Variants in PDE7A observed in about 807,000 individuals in gnomAD.
The protein encoded by PDE7A is phosphodiesterase 7A.
PDE7A carries 39 observed loss-of-function variants against 64.3 expected under a neutral mutation model. The observed-to-expected ratio is 0.61, with a 90% CI of 0.47 to 0.79. The LOEUF is 0.79. Among genes scored for constraint, PDE7A ranks in the 30% least tolerant of loss-of-function variants. The pLI is 0.00. For synonymous variants in PDE7A, 203 were observed against 206.8 expected, an observed-to-expected ratio of 0.98 and a Z score of 0.16; for missense variants, 470 against 582.8, an observed-to-expected ratio of 0.81 and a Z score of 1.99.
chr8:65,783,486 T>C (rs1809471750), intron 1 of PDE7A, among the ~76,000 whole-genome samples: 2 of 152,350 alleles, frequency 1.3e-5, no homozygotes, highest in South Asian at 4.1e-4. Context: ...CCTGGATCAC[T>C]GCTTCACTGT....
chr8:65,825,841 A>T (rs965381942), intron 1 of PDE7A, among the ~76,000 whole-genome samples: 1 of 152,216 alleles, frequency 6.6e-6, no homozygotes, highest in African/African-American at 2.4e-5. Context: ...CCACATATTC[A>T]ATGGCGGTGA....
At chr8:65,759,569 C>CT (rs1808397414) in intron 3 of PDE7A, among the ~76,000 whole-genome samples, 1 of 152,224 alleles carries the variant, frequency 6.6e-6, no homozygotes, top group Non-Finnish European at 1.5e-5. Flanking sequence ...CTTGGTGACT[C>CT]TAAGTGTCCA....
intron 3 of PDE7A, among the ~76,000 whole-genome samples, chr8:65,748,368 T>G (rs571583171): frequency 3.9e-5 from 6 of 152,328 alleles, no homozygotes; most frequent in African/African-American, 1.4e-4. Flanking sequence ...TTCTAAAGGA[T>G]AGGGATAAAA....
chr8:65,806,365 G>A (rs1052022758), intron 1 of PDE7A, among the ~76,000 whole-genome samples: 4 of 152,162 alleles, frequency 2.6e-5, no homozygotes, highest in African/African-American at 7.2e-5. Context: ...TGAGGGAGGA[G>A]GGAGTGGGGA....
At chr8:65,751,745 G>C (rs572859483) in intron 3 of PDE7A, among the ~76,000 whole-genome samples, 1 of 152,302 alleles carries the variant, frequency 6.6e-6, no homozygotes, top group African/African-American at 2.4e-5. Context: ...GCCTGCCGCG[G>C]CCTCCCAAAA....
At chr8:65,804,532 T>A (rs962441804) in intron 1 of PDE7A, among the ~76,000 whole-genome samples, 9 of 145,296 alleles carry the variant, frequency 6.2e-5, no homozygotes, top group African/African-American at 2.5e-4. Context: ...GAAAGTTTCA[T>A]TTTGTTGCTT....
At chr8:65,743,359 G>A (rs914095760) in intron 5 of PDE7A, among the ~76,000 whole-genome samples, 48 of 152,152 alleles carry the variant, frequency 3.2e-4, no homozygotes, top group Admixed American at 2.7e-3. Flanking sequence ...CTGTGTGTAC[G>A]GGCCAAGGTG....
At chr8:65,826,854 G>A (rs961595719) in intron 1 of PDE7A, among the ~76,000 whole-genome samples, 1 of 152,084 alleles carries the variant, frequency 6.6e-6, no homozygotes, top group Non-Finnish European at 1.5e-5. Context: ...GAGGAGAATC[G>A]TCCTTGCCCC....
chr8:65,776,107 A>G (rs958821751), intron 3 of PDE7A, among the ~76,000 whole-genome samples: 1 of 152,176 alleles, frequency 6.6e-6, no homozygotes, highest in Non-Finnish European at 1.5e-5. Context: ...AATTATCAGC[A>G]TAATTTGGCA....
At chr8:65,772,044 T>C (rs958037590) in intron 3 of PDE7A, among the ~76,000 whole-genome samples, 2 of 151,898 alleles carry the variant, frequency 1.3e-5, no homozygotes, top group African/African-American at 2.4e-5. Context: ...AAGAGATGAA[T>C]AGAATAGGCT....
At chr8:65,768,110 A>G (rs542699143) in intron 3 of PDE7A, among the ~76,000 whole-genome samples, 1 of 152,326 alleles carries the variant, frequency 6.6e-6, no homozygotes, top group African/African-American at 2.4e-5. Context: ...CCCTCCACAC[A>G]TTTGGTCACA....
intron 1 of PDE7A, among the ~76,000 whole-genome samples, chr8:65,783,687 A>G (rs1318427935): frequency 3.3e-5 from 5 of 152,238 alleles, no homozygotes; most frequent in Non-Finnish European, 7.3e-5. Flanking sequence ...AACTTTGTCT[A>G]TCTTAGTCAT....
intron 1 of PDE7A, 122 bp downstream of exon 1, chr8:65,841,249 C>A: frequency 8.7e-7 from 1 of 1,151,514 alleles, no homozygotes. Flanking sequence ...GAAAGGCCAG[C>A]CTAGAAATCC....
chr8:65,832,957 C>T (rs933985838), intron 1 of PDE7A, among the ~76,000 whole-genome samples: 14 of 152,234 alleles, frequency 9.2e-5, no homozygotes, highest in Admixed American at 9.2e-4. Flanking sequence ...TTAGAGTCAG[C>T]ATGACCTAGA....
chr8:65,801,089 C>T (rs1347706606), intron 1 of PDE7A, among the ~76,000 whole-genome samples: 3 of 152,108 alleles, frequency 2.0e-5, no homozygotes, highest in African/African-American at 7.2e-5. Context: ...ATGATCACAA[C>T]TTTGACTAGT....
At chr8:65,743,930 T>G (rs1171024040) in intron 5 of PDE7A, among the ~76,000 whole-genome samples, 1 of 151,626 alleles carries the variant, frequency 6.6e-6, no homozygotes, top group Non-Finnish European at 1.5e-5. Context: ...CTTCCCAGAT[T>G]CAAGCAATTC....
At chr8:65,753,298 G>A (rs1563488729) in intron 3 of PDE7A, among the ~76,000 whole-genome samples, 1 of 152,140 alleles carries the variant, frequency 6.6e-6, no homozygotes, top group African/African-American at 2.4e-5. Context: ...GGAGGTCTTG[G>A]GAGAGAGCAG....
At chr8:65,824,044 C>T (rs1190574369) in intron 1 of PDE7A, among the ~76,000 whole-genome samples, 1 of 152,152 alleles carries the variant, frequency 6.6e-6, no homozygotes, top group Non-Finnish European at 1.5e-5. Flanking sequence ...GAATGCCTTG[C>T]TTTATTGTGC....
chr8:65,798,206 A>ATATATATATATATATATATATTTT, intron 1 of PDE7A, among the ~76,000 whole-genome samples: 14 of 73,798 alleles, frequency 1.9e-4, no homozygotes, highest in African/African-American at 7.0e-4. Flanking sequence ...ATATATATAT[A>ATATATATATATATATATATATTTT]TTTTTTTTTT....
Sources: gnomAD v4.1 joint callset for allele counts (sites outside exome capture counted in the v4.1 genomes callset) on GRCh38, gnomAD v4.1.1 for gene constraint, MANE v1.5 for transcripts, NCBI Gene and HGNC (gene_info 2026-07-23, HGNC 2026-07-21) for gene names.